Variants in KCNIP4 observed in about 807,000 individuals in gnomAD.
KCNIP4 encodes Kv channel-interacting protein 4.
Under a neutral mutation model 34.0 loss-of-function variants are expected in KCNIP4, and 12 were observed. The observed-to-expected ratio is 0.35, with a 90% confidence interval of 0.23 to 0.57. The LOEUF (loss-of-function observed/expected upper bound fraction) is 0.57, where lower values mean the gene tolerates loss of function less well. Among genes scored for constraint, KCNIP4 ranks in the 20% least tolerant of loss-of-function variants. The probability of loss-of-function intolerance (pLI) is 0.83; values close to 1 mark genes in which losing one functional copy is unlikely to be tolerated. For synonymous variants in KCNIP4, 124 were observed against 102.2 expected, an observed-to-expected ratio of 1.21 and a Z score of -1.29; for missense variants, 238 against 311.7, an observed-to-expected ratio of 0.76 and a Z score of 1.78.
At position 21,306,104 on chromosome 4, in the gene KCNIP4, A is replaced by G. The variant is rs147533537; in HGVS notation, c.62-423395T>C. 6.9e-4 allele frequency among the ~76,000 whole-genome samples: 105 copies of G among 152,316 alleles called. 1 individual carries two copies. The East Asian group carries it at 0.02, about 28-fold the overall frequency. On this transcript the variant is annotated intron_variant, in intron 1 of 8. Transcript: ENST00000382152. ...TACTACACACCAGATGCTTTAATGC[A>G]TTGCTCCTTCCTAGACATTCTAAAA...
chr4:21,373,687 C>T lies in KCNIP4; in HGVS notation c.62-490978G>A, dbSNP rs1188702672. ...TCATAAAGGTTGGGTTTCTCATTTT[C>T]ATTTTATCTTGTTTATTTATTTATT... On this transcript the variant is annotated intron_variant, in intron 1 of 8. Transcript: ENST00000382152. Among the ~76,000 whole-genome samples, 2 of 146,970 alleles carry T rather than the reference C, an allele frequency of 1.4e-5. 1 individual carries two copies. Among genetic ancestry groups the T allele is most frequent in the African/African-American group, 5.4e-5 (2 of 36,734 alleles).
At chr4:21,068,722 A>G (rs966767906) in intron 1 of KCNIP4, among the ~76,000 whole-genome samples, 2 of 152,092 alleles carry the variant, frequency 1.3e-5, no homozygotes, top group African/African-American at 4.8e-5. Context: ...TTATCATGTC[A>G]CCCTAAATGT....
chr4:21,843,062 T>G (rs1202929265), intron 1 of KCNIP4, among the ~76,000 whole-genome samples: 2 of 152,132 alleles, frequency 1.3e-5, no homozygotes, highest in Admixed American at 1.3e-4. Flanking sequence ...TATTTTAAAG[T>G]AGATGTTACT....
intron 1 of KCNIP4, among the ~76,000 whole-genome samples, chr4:20,909,417 CCATGACCCCAG>C (rs1418913157): frequency 6.6e-6 from 1 of 151,990 alleles, no homozygotes; most frequent in Non-Finnish European, 1.5e-5. Context: ...TCTCTCTTGC[CCATGACCCCAG>C]CATCTTGAGA....
rs776213916 is a variant in KCNIP4 at position 20,850,624 on chromosome 4, C to A, written c.207G>T (p.Arg69=). The A allele has an allele frequency of 1.9e-6, 3 of 1,612,480 alleles. No individual in the cohort carries two copies. The highest frequency in any genetic ancestry group is 1.3e-5 in the African/African-American group (1 of 74,892). Residue 69 remains arginine (R), a synonymous_variant, in exon 3 of 9, where the codon CGG becomes CGT. Coordinates refer to ENST00000382152, the MANE Select transcript of KCNIP4 (RefSeq NM_025221.6). ...CTTCCAGAAGCTCAAGGGCTTCAGG[C>A]CGATGCCTGACGGTGGCCATCTCCA... ...DELEMATVRH[R]PEALELLEAQ...
At chr4:20,900,430 C>A (rs1727041021) in intron 1 of KCNIP4, among the ~76,000 whole-genome samples, 2 of 152,202 alleles carry the variant, frequency 1.3e-5, no homozygotes, top group Admixed American at 1.3e-4. Flanking sequence ...CAGCATCACG[C>A]ACAAGGCCTA....
intron 1 of KCNIP4, among the ~76,000 whole-genome samples, chr4:21,118,612 T>C (rs755339089): frequency 2.6e-5 from 4 of 152,166 alleles, no homozygotes; most frequent in Non-Finnish European, 5.9e-5. Flanking sequence ...TAACCTCTGT[T>C]TCTTCTCATT....
intron 1 of KCNIP4, among the ~76,000 whole-genome samples, chr4:21,158,085 A>G (rs887252514): frequency 7.9e-5 from 12 of 152,152 alleles, no homozygotes; most frequent in Non-Finnish European, 1.5e-4. Context: ...ATGAAAGATA[A>G]AAACAACCAA....
intron 1 of KCNIP4, among the ~76,000 whole-genome samples, chr4:21,775,645 C>T (rs976287449): frequency 5.3e-5 from 8 of 152,120 alleles, no homozygotes; most frequent in African/African-American, 1.9e-4. Flanking sequence ...CGAATTCTGT[C>T]CCTGAGCCTC....
At chr4:20,987,979 C>T (rs369643856) in intron 1 of KCNIP4, among the ~76,000 whole-genome samples, 26 of 95,574 alleles carry the variant, frequency 2.7e-4, no homozygotes, top group African/African-American at 1.0e-3. Context: ...CCAGCCTGGG[C>T]GACACGGCGA....
intron 1 of KCNIP4, among the ~76,000 whole-genome samples, chr4:21,040,954 T>TAC (rs1741903984): frequency 7.0e-6 from 1 of 143,052 alleles, no homozygotes; most frequent in Admixed American, 7.0e-5. Flanking sequence ...TGAAACAGAG[T>TAC]AAAAAAAAAA....
intron 2 of KCNIP4, among the ~76,000 whole-genome samples, chr4:20,875,207 A>T (rs1207284937): frequency 6.6e-6 from 1 of 152,142 alleles, no homozygotes; most frequent in Admixed American, 6.6e-5. Context: ...ATCTAGTCAT[A>T]TTTTTTTGTA....
At chr4:20,959,288 T>A (rs1479667668) in intron 1 of KCNIP4, among the ~76,000 whole-genome samples, 1 of 152,206 alleles carries the variant, frequency 6.6e-6, no homozygotes, top group Non-Finnish European at 1.5e-5. Flanking sequence ...GTGTTTACTG[T>A]CTTCTGTTAT....
At chr4:20,826,333 G>A (rs1717754395) in intron 3 of KCNIP4, among the ~76,000 whole-genome samples, 1 of 152,114 alleles carries the variant, frequency 6.6e-6, no homozygotes, top group South Asian at 2.1e-4. Context: ...CCAGCACTTT[G>A]GGAGGCAAAG....
intron 1 of KCNIP4, among the ~76,000 whole-genome samples, chr4:21,678,364 A>T (rs569816831): frequency 1.6e-5 from 2 of 124,924 alleles, no homozygotes; most frequent in Non-Finnish European, 3.2e-5. Flanking sequence ...TTCTTAGTTA[A>T]TGGACCATGC....
intron 1 of KCNIP4, among the ~76,000 whole-genome samples, chr4:21,614,843 C>T (rs1424407272): frequency 2.0e-5 from 3 of 152,094 alleles, no homozygotes; most frequent in African/African-American, 7.2e-5. Flanking sequence ...GAGTCTTAAT[C>T]ATTGAGAAGC....
At chr4:21,682,685 G>C (rs990654006) in intron 1 of KCNIP4, among the ~76,000 whole-genome samples, 1 of 151,944 alleles carries the variant, frequency 6.6e-6, no homozygotes, top group Non-Finnish European at 1.5e-5. Context: ...CCTTTCCCTT[G>C]AACACTTAGA....
At chr4:21,218,102 G>A (rs569805330) in intron 1 of KCNIP4, among the ~76,000 whole-genome samples, 65 of 151,118 alleles carry the variant, frequency 4.3e-4, no homozygotes, top group Middle Eastern at 3.4e-3. Flanking sequence ...CACAACCTCC[G>A]CCTCCTGGGT....
chr4:21,107,097 G>A (rs1356748967), intron 1 of KCNIP4, among the ~76,000 whole-genome samples: 4 of 147,020 alleles, frequency 2.7e-5, no homozygotes, highest in Non-Finnish European at 5.9e-5. Flanking sequence ...GGAGAGTTCT[G>A]TAGATGTCTA....
Sources: allele counts gnomAD v4.1 joint callset (sites outside exome capture counted in the v4.1 genomes callset), GRCh38; gene constraint gnomAD v4.1.1; transcripts MANE v1.5; gene names NCBI Gene and HGNC (gene_info 2026-07-23, HGNC 2026-07-21).